Variants in NFASC observed in about 807,000 individuals in gnomAD.
The protein encoded by NFASC is neurofascin homolog.
A neutral mutation model predicts 147.5 loss-of-function variants in NFASC; 43 were observed. The observed-to-expected ratio is 0.29, with a 90% confidence interval of 0.23 to 0.38. The LOEUF is 0.38. Among genes scored for constraint, NFASC ranks in the 10% least tolerant of loss-of-function variants. The probability of loss-of-function intolerance (pLI) is 1.00; values close to 1 mark genes in which losing one functional copy is unlikely to be tolerated. For synonymous variants in NFASC, 622 were observed against 665.5 expected, an observed-to-expected ratio of 0.93 and a Z score of 1.01; for missense variants, 1,320 against 1,689.0, an observed-to-expected ratio of 0.78 and a Z score of 3.83.
intron 25 of NFASC, among the ~76,000 whole-genome samples, 154 bp from the exon 26 acceptor site, chr1:205,001,016 A>C: frequency 7.1e-6 from 1 of 141,708 alleles, no homozygotes; most frequent in Non-Finnish European, 1.6e-5. Context: ...GCCATTTCTG[A>C]CTCTCCCCTT....
At position 204,929,129 on chromosome 1, in the gene NFASC, G is replaced by T. The variant is rs115474027; in HGVS notation, c.-91+8389G>T. Among the ~76,000 whole-genome samples, 1,087 of 151,950 alleles carry T rather than the reference G, an allele frequency of 7.2e-3. 14 individuals are homozygous for T. The highest frequency in any genetic ancestry group is 0.025 in the African/African-American group (1,029 of 41,378). On this transcript the variant is annotated intron_variant, in intron 2 of 29. Transcript: ENST00000339876. ...CCCCCTCCACCCCATCCCCAGGAGG[G>T]AATCAGGACCACCTGATACCATTTC... is the stretch of plus-strand genomic sequence containing the variant.
At chr1:204,947,969 C>T (rs1357776961) in intron 3 of NFASC, among the ~76,000 whole-genome samples, 1 of 152,134 alleles carries the variant, frequency 6.6e-6, no homozygotes, top group African/African-American at 2.4e-5. Flanking sequence ...CACACTCATG[C>T]ACACTCACAC....
At chr1:205,000,116 T>A (rs186565349) in intron 25 of NFASC, 16 of 152,316 alleles carry the variant, frequency 1.1e-4, no homozygotes, top group Admixed American at 9.8e-4. Context: ...ATTAATGTCC[T>A]CTGTGTTGCA....
chr1:204,981,158 C>T (rs893120521), intron 20 of NFASC, among the ~76,000 whole-genome samples: 2 of 152,266 alleles, frequency 1.3e-5, no homozygotes, highest in Non-Finnish European at 2.9e-5. Context: ...GAAGGCTGCT[C>T]CCACAGCAGC....
At chr1:204,926,482 C>T (rs1293173743) in intron 2 of NFASC, among the ~76,000 whole-genome samples, 1 of 140,826 alleles carries the variant, frequency 7.1e-6, no homozygotes, top group Non-Finnish European at 1.5e-5. Flanking sequence ...GGCACAATCT[C>T]AGCCCATTGC....
chr1:204,984,390 T>C (rs868287506), intron 21 of NFASC: 2 of 145,702 alleles, frequency 1.4e-5, no homozygotes, highest in Admixed American at 6.9e-5. Flanking sequence ...CGCATATATA[T>C]ATATATATAT....
chr1:204,981,331 G>A (rs1454953595), intron 20 of NFASC, among the ~76,000 whole-genome samples: 1 of 152,264 alleles, frequency 6.6e-6, no homozygotes, highest in African/African-American at 2.4e-5. Flanking sequence ...CTCTTGGGAA[G>A]GACAGGACAG....
Position 205,016,206 on chromosome 1 carries a change from C to A in NFASC, c.3492-102C>A. ...TGAAGCGGGGGCTGGACTGGGCGGT[C>A]TCCTGGATCCCATCCTCTCTGAGCT... On this transcript the variant is annotated intron_variant, in intron 29 of 29. Coordinates refer to ENST00000339876, the MANE Select transcript of NFASC (RefSeq NM_001005388.3). This position sits in a 1 kb window ranked among gnomAD's most constrained non-coding sequence, Gnocchi z 5.1. 1 of 815,304 alleles carries A rather than the reference C, an allele frequency of 1.2e-6. No homozygotes were observed. Among genetic ancestry groups the A allele is most frequent in the Non-Finnish European group, 2.1e-6 (1 of 477,546 alleles). The allele number at this position is 815,304 out of a possible 1,614,324, so 50.5% of individuals were successfully genotyped here.
At chr1:205,014,233 C>T (rs1455288961) in intron 29 of NFASC, among the ~76,000 whole-genome samples, 2 of 152,142 alleles carry the variant, frequency 1.3e-5, no homozygotes, top group African/African-American at 2.4e-5. Flanking sequence ...GCCTCCTCCC[C>T]GCAGACACTG....
chr1:205,009,312 C>A lies in NFASC; in HGVS notation c.3290-245C>A, dbSNP rs2096204069. On this transcript the variant is annotated intron_variant, in intron 27 of 29. Coordinates refer to ENST00000339876, the MANE Select transcript of NFASC (RefSeq NM_001005388.3). ...CCCCTTCCTAAAGGACCTGTTCAAC[C>A]TTCTGCTTATTTGCTCCTTGTACCC... 1.1e-5 allele frequency: 7 copies of A among 636,970 alleles called. No homozygotes were observed. In the Admixed American group the frequency reaches 1.3e-4, roughly 12 times the overall value. The allele number at this position is 636,970 out of a possible 1,614,324, so 39.5% of individuals were successfully genotyped here.
intron 2 of NFASC, among the ~76,000 whole-genome samples, chr1:204,942,553 A>G (rs1006220705): frequency 6.6e-6 from 1 of 151,862 alleles, no homozygotes; most frequent in Non-Finnish European, 1.5e-5. Flanking sequence ...AGCTTTGGTT[A>G]TGAGTGGAGA....
intron 3 of NFASC, among the ~76,000 whole-genome samples, chr1:204,949,805 A>G (rs1369160114): frequency 6.6e-6 from 1 of 152,230 alleles, no homozygotes; most frequent in Non-Finnish European, 1.5e-5. Flanking sequence ...ATCCACCTGC[A>G]CAGGAGCACA....
Position 204,955,000 on chromosome 1 carries a change from T to C in NFASC, c.535+49T>C. 2 of 1,317,984 alleles carry C rather than the reference T, an allele frequency of 1.5e-6. No individual in the cohort carries two copies. Among genetic ancestry groups the C allele is most frequent in the Non-Finnish European group, 2.1e-6 (2 of 953,938 alleles). 81.6% of individuals were successfully genotyped at this position (1,317,984 alleles called of 1,614,324 possible). A position where few individuals can be genotyped will look rare whatever the true frequency, so the allele number is the denominator to read the frequency against. On this transcript the variant is annotated intron_variant, in intron 7 of 29. Transcript: ENST00000339876. The surrounding 1 kb of genome is among the most constrained non-coding windows in gnomAD (Gnocchi z 5.7). Reference sequence around the variant, plus strand: ...GTGTTTATATCTTAACCTTAGGGGGTGGGGTGGGTGTGTTAAGTGGGGAGG... The same window carrying C: ...GTGTTTATATCTTAACCTTAGGGGGCGGGGTGGGTGTGTTAAGTGGGGAGG...
intron 8 of NFASC, among the ~76,000 whole-genome samples, chr1:204,960,612 G>A (rs1433821398): frequency 1.3e-5 from 2 of 152,222 alleles, no homozygotes; most frequent in Non-Finnish European, 2.9e-5. Context: ...TCTGGAGAGA[G>A]ATAGGTTACA....
chr1:204,992,755 G>T (rs1484371088), intron 24 of NFASC, among the ~76,000 whole-genome samples: 1 of 152,224 alleles, frequency 6.6e-6, no homozygotes, highest in East Asian at 1.9e-4. Context: ...CACCTCCCCT[G>T]TTCTGGCACC....
chr1:204,988,175 T>G (rs186512593), intron 22 of NFASC, among the ~76,000 whole-genome samples: 3 of 152,366 alleles, frequency 2.0e-5, no homozygotes, highest in Admixed American at 6.5e-5. Context: ...GCCAACTCTG[T>G]GCTTGTATGC....
chr1:204,874,873 G>T (rs1207934696), intron 1 of NFASC, among the ~76,000 whole-genome samples: 1 of 152,150 alleles, frequency 6.6e-6, no homozygotes, highest in African/African-American at 2.4e-5. Context: ...GGGGTGGGTG[G>T]TGGGGGCAGG....
chr1:204,964,423 G>A (rs143982870), intron 8 of NFASC, among the ~76,000 whole-genome samples: 2 of 152,236 alleles, frequency 1.3e-5, no homozygotes, highest in African/African-American at 4.8e-5. Context: ...GGGGCAAAAA[G>A]CAGGTGCAAT....
intron 1 of NFASC, among the ~76,000 whole-genome samples, chr1:204,882,434 C>G (rs181444359): frequency 1.1e-4 from 17 of 152,326 alleles, no homozygotes; most frequent in Admixed American, 3.9e-4. Flanking sequence ...TATTCCCCCC[C>G]TCACCTCCCA....
Sources: gnomAD v4.1 joint callset for allele counts (sites outside exome capture counted in the v4.1 genomes callset) on GRCh38, gnomAD v4.1.1 for gene constraint, Gnocchi (gnomAD v3.1) non-coding constraint, MANE v1.5 for transcripts, NCBI Gene and HGNC (gene_info 2026-07-23, HGNC 2026-07-21) for gene names.